Variants in PKNOX2 observed in about 807,000 individuals in gnomAD.
PKNOX2 encodes the protein homeobox protein PKNOX2.
A neutral mutation model predicts 53.1 loss-of-function variants in PKNOX2; 14 were observed. That is an observed-to-expected ratio of 0.26 (90% CI 0.17 to 0.41). The LOEUF is 0.41. PKNOX2 is among the 10% of genes least tolerant of loss of function. PKNOX2 has a pLI of 1.00. For missense variants in PKNOX2, 496 were observed against 602.8 expected (o/e 0.82, Z 1.85); for synonymous variants, 257 against 242.8 (o/e 1.06, Z -0.54).
intron 1 of PKNOX2, among the ~76,000 whole-genome samples, chr11:125,214,344 T>C (rs1480700947): frequency 6.6e-6 from 1 of 151,196 alleles, no homozygotes; most frequent in Non-Finnish European, 1.5e-5. Context: ...GCTCTTGCTC[T>C]CCCTCTTACT....
intron 2 of PKNOX2, among the ~76,000 whole-genome samples, chr11:125,249,894 AC>A (rs1403042880): frequency 1.3e-5 from 2 of 151,754 alleles, no homozygotes; most frequent in African/African-American, 4.8e-5. Context: ...ACATGGTGAA[AC>A]CCCCATCTCT....
chr11:125,375,551 C>T (rs992474630), intron 5 of PKNOX2, among the ~76,000 whole-genome samples: 1 of 152,248 alleles, frequency 6.6e-6, no homozygotes, highest in Non-Finnish European at 1.5e-5. Flanking sequence ...TTTAACCACA[C>T]AGCACATCTG....
At chr11:125,168,571 G>A (rs1955052982) in intron 1 of PKNOX2, among the ~76,000 whole-genome samples, 1 of 152,198 alleles carries the variant, frequency 6.6e-6, no homozygotes, top group South Asian at 2.1e-4. Flanking sequence ...AAGTTTATGG[G>A]TGCACCAGAG....
chr11:125,253,860 A>G (rs1944195815), intron 2 of PKNOX2, among the ~76,000 whole-genome samples: 1 of 151,912 alleles, frequency 6.6e-6, no homozygotes, highest in African/African-American at 2.4e-5. Context: ...CCCAGATTGG[A>G]CTCAGCTCTT....
intron 2 of PKNOX2, among the ~76,000 whole-genome samples, chr11:125,321,515 C>T (rs1042853846): frequency 5.9e-5 from 9 of 152,160 alleles, no homozygotes; most frequent in East Asian, 5.8e-4. Flanking sequence ...AGAAAAATGT[C>T]GGCACATGTT....
chr11:125,269,584 T>C (rs548699697), intron 2 of PKNOX2, among the ~76,000 whole-genome samples: 1 of 152,344 alleles, frequency 6.6e-6, no homozygotes, highest in South Asian at 2.1e-4. Flanking sequence ...TGAGGCCCTC[T>C]TGGACTCTCA....
intron 10 of PKNOX2, among the ~76,000 whole-genome samples, chr11:125,420,247 G>C (rs566226033): frequency 1.3e-4 from 20 of 151,430 alleles, no homozygotes; most frequent in Non-Finnish European, 2.8e-4. Flanking sequence ...AAAAATGGGG[G>C]CCGGGCACGG....
chr11:125,362,096 G>A (rs1951955856), intron 4 of PKNOX2, among the ~76,000 whole-genome samples: 1 of 152,124 alleles, frequency 6.6e-6, no homozygotes, highest in Non-Finnish European at 1.5e-5. Flanking sequence ...AGTGAGGACG[G>A]GGTGGACTAG....
chr11:125,276,226 T>C (rs1946146289), intron 2 of PKNOX2, among the ~76,000 whole-genome samples: 1 of 152,094 alleles, frequency 6.6e-6, no homozygotes, highest in Admixed American at 6.5e-5. Context: ...TAATAAAGCC[T>C]GATTGGGGCA....
rs1046983379 is a variant in PKNOX2, at chr11:125,197,292, A to G, written c.-201+32516A>G. Among the ~76,000 whole-genome samples the G allele has an allele frequency of 9.9e-5, 15 of 152,192 alleles. No homozygotes were observed. In the East Asian group the frequency reaches 2.7e-3, roughly 27 times the overall value. Reference sequence around the variant, plus strand: ...TTCAGCCACTGTGACCCTCAGAGTCATTTAATTACTGCCCAGGCTTAGGGG... The same window carrying G: ...TTCAGCCACTGTGACCCTCAGAGTCGTTTAATTACTGCCCAGGCTTAGGGG... On this transcript the variant is annotated intron_variant, in intron 1 of 12. Coordinates refer to ENST00000298282, the MANE Select transcript of PKNOX2 (RefSeq NM_001382323.2).
chr11:125,193,170 AT>A (rs1243471527), intron 1 of PKNOX2, among the ~76,000 whole-genome samples: 1 of 152,184 alleles, frequency 6.6e-6, no homozygotes, highest in Admixed American at 6.5e-5. Context: ...CCCTCAAAAC[AT>A]TTCTCCAAGC....
At chr11:125,349,881 C>A (rs1054685840) in intron 3 of PKNOX2, among the ~76,000 whole-genome samples, 2 of 129,734 alleles carry the variant, frequency 1.5e-5, no homozygotes, top group African/African-American at 5.5e-5. Context: ...ACACACAGCC[C>A]TGGAGGCCAG....
At chr11:125,327,075 T>A (rs911016651) in intron 2 of PKNOX2, among the ~76,000 whole-genome samples, 1 of 152,172 alleles carries the variant, frequency 6.6e-6, no homozygotes, top group Admixed American at 6.5e-5. Context: ...AAAAGCTTGG[T>A]GTTTTATGCT....
chr11:125,250,667 G>A (rs1591496499), intron 2 of PKNOX2, among the ~76,000 whole-genome samples: 1 of 152,284 alleles, frequency 6.6e-6, no homozygotes, highest in Admixed American at 6.5e-5. Flanking sequence ...TAACTTCTAG[G>A]CTCCTGTGTT....
chr11:125,222,806 T>TGC (rs1941348458), intron 1 of PKNOX2, among the ~76,000 whole-genome samples: 1 of 151,934 alleles, frequency 6.6e-6, no homozygotes, highest in Non-Finnish European at 1.5e-5. Flanking sequence ...TGTGTGTGCG[T>TGC]GTGTATGTGT....
chr11:125,380,100 T>C (rs2135335550), intron 5 of PKNOX2, among the ~76,000 whole-genome samples: 1 of 152,280 alleles, frequency 6.6e-6, no homozygotes, highest in Admixed American at 6.5e-5. Context: ...CTGAGCTGCG[T>C]CTCCCTCCTG....
chr11:125,221,449 C>G (rs570444839), intron 1 of PKNOX2, among the ~76,000 whole-genome samples: 2 of 152,170 alleles, frequency 1.3e-5, no homozygotes, highest in African/African-American at 4.8e-5. Context: ...AGCAGCCCAC[C>G]CTGCTCCAGG....
At chr11:125,229,212 A>G (rs1257534528) in intron 1 of PKNOX2, among the ~76,000 whole-genome samples, 1 of 152,066 alleles carries the variant, frequency 6.6e-6, no homozygotes, top group Non-Finnish European at 1.5e-5. Flanking sequence ...CTTGAACCCG[A>G]TACTGCTCAG....
At chr11:125,211,883 G>A (rs1441424978) in intron 1 of PKNOX2, among the ~76,000 whole-genome samples, 1 of 152,086 alleles carries the variant, frequency 6.6e-6, no homozygotes, top group East Asian at 1.9e-4. Flanking sequence ...TAAACAGGCT[G>A]CCCTGCCCTA....
Sources: allele counts gnomAD v4.1 joint callset (sites outside exome capture counted in the v4.1 genomes callset), GRCh38; gene constraint gnomAD v4.1.1; transcripts MANE v1.5; gene names NCBI Gene and HGNC (gene_info 2026-07-23, HGNC 2026-07-21).